MTFR1: variants seen among roughly 807,000 people sequenced by gnomAD.
MTFR1 encodes the protein mitochondrial fission regulator 1.
A neutral mutation model predicts 38.8 loss-of-function variants in MTFR1; 28 were observed. The ratio of observed to expected loss-of-function variants is 0.72; its 90% CI spans 0.53 to 0.99. The LOEUF is 0.99. MTFR1 is among the 50% of genes least tolerant of loss of function. MTFR1 has a pLI of 0.00. For synonymous variants in MTFR1, 145 were observed against 137.0 expected (o/e 1.06, Z -0.41); for missense variants, 358 against 395.5 (o/e 0.91, Z 0.81).
chr8:65,729,247 A>G (rs1806734751), intron 3 of MTFR1, among the ~76,000 whole-genome samples: 1 of 152,148 alleles, frequency 6.6e-6, no homozygotes, highest in African/African-American at 2.4e-5. Context: ...ATAAAATAGA[A>G]AACTATTAAG....
At chr8:65,690,047 G>C (rs562126332) in intron 3 of MTFR1, among the ~76,000 whole-genome samples, 2 of 152,254 alleles carry the variant, frequency 1.3e-5, no homozygotes, top group Admixed American at 1.3e-4. Context: ...CCGTGGAATA[G>C]TTTGTTGTAT....
chr8:65,767,537 C>T (rs1808850517), intron 3 of MTFR1, among the ~76,000 whole-genome samples: 1 of 152,192 alleles, frequency 6.6e-6, no homozygotes, highest in African/African-American at 2.4e-5. Context: ...CCTCCTTTCA[C>T]CTGTTTCAAT....
chr8:65,706,243 A>G (rs1805776767), intron 5 of MTFR1, among the ~76,000 whole-genome samples: 1 of 152,190 alleles, frequency 6.6e-6, no homozygotes, highest in Non-Finnish European at 1.5e-5. Context: ...CTTCTGGCTG[A>G]CTGGGAAAGT....
chr8:65,760,723 TC>T (rs1279825650), intron 3 of MTFR1, among the ~76,000 whole-genome samples: 2 of 152,230 alleles, frequency 1.3e-5, no homozygotes, highest in Non-Finnish European at 2.9e-5. Flanking sequence ...GACACTGTTT[TC>T]CTGGAGTAAT....
At chr8:65,756,534 A>C (rs1808248313) in intron 3 of MTFR1, among the ~76,000 whole-genome samples, 1 of 152,114 alleles carries the variant, frequency 6.6e-6, no homozygotes, top group Admixed American at 6.5e-5. Context: ...TTTCAACAGC[A>C]GATTTTTCAT....
chr8:65,713,919 G>A (rs1407403092), downstream of MTFR1, among the ~76,000 whole-genome samples: 8 of 151,826 alleles, frequency 5.3e-5, no homozygotes, highest in East Asian at 5.8e-4. Flanking sequence ...AACTCCTGAC[G>A]TGAGGTGATC....
intron 4 of MTFR1, among the ~76,000 whole-genome samples, chr8:65,700,337 C>T (rs1056086058): frequency 7.6e-6 from 1 of 131,368 alleles, no homozygotes; most frequent in African/African-American, 2.9e-5. Context: ...AGCAATGGAT[C>T]GAGACCTATC....
At chr8:65,714,389 A>G (rs1176789896), downstream of MTFR1, 1 of 152,072 alleles carries the variant, frequency 6.6e-6, no homozygotes, top group African/African-American at 2.4e-5. Context: ...CCCTATGGTG[A>G]GCACAGGAAC....
At chr8:65,754,623 C>T (rs983341668) in intron 3 of MTFR1, among the ~76,000 whole-genome samples, 3 of 151,174 alleles carry the variant, frequency 2.0e-5, no homozygotes, top group East Asian at 2.0e-4. Flanking sequence ...GGCTGAGCCA[C>T]CATGCCCAGC....
At chr8:65,708,773 G>A (rs1233522974) in intron 7 of MTFR1, among the ~76,000 whole-genome samples, 2 of 152,158 alleles carry the variant, frequency 1.3e-5, no homozygotes, top group Admixed American at 1.3e-4. Context: ...AAGCAGTTTG[G>A]CTACTTCTTT....
At chr8:65,752,745 C>T (rs529578989) in intron 3 of MTFR1, among the ~76,000 whole-genome samples, 11 of 152,178 alleles carry the variant, frequency 7.2e-5, no homozygotes, top group Non-Finnish European at 1.6e-4. Context: ...CTTTGCTCCA[C>T]TATTTTAGCT....
chr8:65,655,951 A>T (rs9298105), intron 1 of MTFR1, among the ~76,000 whole-genome samples: 19,001 of 51,776 alleles, frequency 0.37, 3,559 homozygotes, highest in Non-Finnish European at 0.46. Context: ...TAAAAAAAAA[A>T]ATATATATAT....
At chr8:65,659,873 T>A (rs1001958538) in intron 1 of MTFR1, among the ~76,000 whole-genome samples, 1 of 152,236 alleles carries the variant, frequency 6.6e-6, no homozygotes, top group African/African-American at 2.4e-5. Context: ...TCTTACTCTA[T>A]ATGATTTAAC....
intron 1 of MTFR1, among the ~76,000 whole-genome samples, chr8:65,668,638 C>G (rs952877084): frequency 2.0e-5 from 3 of 151,204 alleles, no homozygotes; most frequent in Non-Finnish European, 4.4e-5. Flanking sequence ...CCCAGCCTCC[C>G]AAGTAGCTGG....
chr8:65,744,379 C>T (rs1223082279), intron 3 of MTFR1, among the ~76,000 whole-genome samples: 1 of 152,110 alleles, frequency 6.6e-6, no homozygotes, highest in Non-Finnish European at 1.5e-5. Flanking sequence ...TTTAGTGGTC[C>T]TCAATTGTAC....
intron 4 of MTFR1, among the ~76,000 whole-genome samples, chr8:65,702,180 C>T (rs1382228787): frequency 1.3e-5 from 2 of 152,116 alleles, no homozygotes; most frequent in Non-Finnish European, 2.9e-5. Flanking sequence ...GTAGATTTCT[C>T]ATGGATTGCT....
intron 1 of MTFR1, among the ~76,000 whole-genome samples, chr8:65,662,911 G>A (rs1162998340): frequency 6.7e-6 from 1 of 150,162 alleles, no homozygotes. Flanking sequence ...GGAGGTGGGG[G>A]GGTCAGCCCC....
intron 3 of MTFR1, among the ~76,000 whole-genome samples, chr8:65,766,582 A>C (rs749174964): frequency 1.9e-4 from 29 of 152,126 alleles, no homozygotes; most frequent in Non-Finnish European, 3.8e-4. Context: ...TTCAGTGTAA[A>C]CCACTCTATG....
chr8:65,668,283 T>C (rs990541694), intron 1 of MTFR1, among the ~76,000 whole-genome samples: 5 of 150,784 alleles, frequency 3.3e-5, no homozygotes, highest in African/African-American at 1.2e-4. Flanking sequence ...GATCAAGTGA[T>C]TTTCCTGCCT....
Sources: gnomAD v4.1 joint callset for allele counts (sites outside exome capture counted in the v4.1 genomes callset) on GRCh38, gnomAD v4.1.1 for gene constraint, MANE v1.5 for transcripts, NCBI Gene and HGNC (gene_info 2026-07-23, HGNC 2026-07-21) for gene names.